Variants in MYO5A observed in about 807,000 individuals in gnomAD.
The protein encoded by MYO5A is myosin VA.
In MYO5A, 98 loss-of-function variants were observed where a neutral mutation model predicts 249.7. The observed-to-expected ratio is 0.39, with a 90% confidence interval of 0.33 to 0.46. The LOEUF is 0.46. Among genes scored for constraint, MYO5A ranks in the 20% least tolerant of loss-of-function variants. The pLI is 0.98. For synonymous variants in MYO5A, 778 were observed against 810.6 expected (o/e 0.96, Z 0.68); for missense variants, 1,696 against 2,308.8 (o/e 0.73, Z 5.44).
chr15:52,433,144 C>A, intron 2 of MYO5A, 31 bp downstream of exon 2: 1 of 1,449,878 alleles, frequency 6.9e-7, no homozygotes, highest in Non-Finnish European at 9.7e-7. Context: ...TCACTTTATG[C>A]CAATGACAAC....
chr15:52,523,540 G>C (rs769161613), intron 1 of MYO5A, among the ~76,000 whole-genome samples: 15 of 152,186 alleles, frequency 9.9e-5, no homozygotes, highest in Non-Finnish European at 1.8e-4. Flanking sequence ...AGTATCGTGG[G>C]AGTGGTAAAC....
intron 29 of MYO5A, among the ~76,000 whole-genome samples, chr15:52,347,979 G>A (rs2039727593): frequency 6.6e-6 from 1 of 152,182 alleles, no homozygotes; most frequent in African/African-American, 2.4e-5. Flanking sequence ...TGCTATCTGT[G>A]TGCTCTGGTA....
intron 23 of MYO5A, among the ~76,000 whole-genome samples, chr15:52,365,221 A>G (rs2040749902): frequency 6.6e-6 from 1 of 152,026 alleles, no homozygotes; most frequent in Non-Finnish European, 1.5e-5. Flanking sequence ...TACGACTTTA[A>G]CCTCCCCTGC....
At chr15:52,358,529 A>AT (rs2040361161) in intron 25 of MYO5A, among the ~76,000 whole-genome samples, 1 of 152,096 alleles carries the variant, frequency 6.6e-6, no homozygotes, top group Admixed American at 6.6e-5. Context: ...TGACCTTGTG[A>AT]TTTTCTTTGA....
rs569356194 is a variant in MYO5A, at chr15:52,411,543, A to G, written c.613-1067T>C. 9.6e-4 allele frequency among the ~76,000 whole-genome samples: 147 copies of G among 152,332 alleles called. 2 individuals carry two copies. In the Middle Eastern group the frequency reaches 0.01, roughly 11 times the overall value. On this transcript the variant is annotated intron_variant, in intron 5 of 41. Coordinates refer to ENST00000399233, the MANE Select transcript of MYO5A (RefSeq NM_001382347.1). ...AAATTTTTTTAAGGCAAAGCAAAAA[A>G]AAAAAAGATGTAGTTAGAAAACCAA...
At chr15:52,453,455 A>AG (rs2076059618) in intron 1 of MYO5A, among the ~76,000 whole-genome samples, 1 of 152,212 alleles carries the variant, frequency 6.6e-6, no homozygotes, top group African/African-American at 2.4e-5. Context: ...ATGTGGAAGA[A>AG]GAAAAAAAAA....
At chr15:52,379,081 T>C (rs983026450) in intron 18 of MYO5A, among the ~76,000 whole-genome samples, 20 of 152,350 alleles carry the variant, frequency 1.3e-4, no homozygotes, top group African/African-American at 3.6e-4. Flanking sequence ...CTCCCTCTTA[T>C]AATAGTCTCC....
rs569010771 is a variant in MYO5A at position 52,372,305 on chromosome 15, C to T, written c.2636G>A (p.Arg879His). The change falls in exon 21 of 42, where the codon CGC (arginine) becomes CAC (histidine). Residue 879 changes from arginine (R) to histidine (H), a missense_variant. Transcript: ENST00000399233. Reference sequence around the variant, plus strand: ...ATGCATGCTCCTCTTGTAGTGTGTGCGGGCCAGCCAGCCCCGGACTCGCTT... The same window carrying T: ...ATGCATGCTCCTCTTGTAGTGTGTGTGGGCCAGCCAGCCCCGGACTCGCTT... The part of the protein sequence containing the change: ...IQKRVRGWLA[R>H]THYKRSMHAI... 33 of 1,608,614 alleles carry T rather than the reference C, an allele frequency of 2.1e-5. No individual in the cohort carries two copies. In the South Asian group the frequency reaches 2.3e-4, roughly 11 times the overall value.
intron 33 of MYO5A, 55 bp from the exon 34 acceptor site, chr15:52,336,611 G>T (rs2039130663): frequency 7.9e-7 from 1 of 1,259,036 alleles, no homozygotes; most frequent in African/African-American, 1.5e-5. Flanking sequence ...CTTCTAAAAT[G>T]CATCAAAGGA....
At chr15:52,479,001 C>CT (rs879377956) in intron 1 of MYO5A, among the ~76,000 whole-genome samples, 38 of 146,694 alleles carry the variant, frequency 2.6e-4, no homozygotes, top group Middle Eastern at 3.5e-3. Context: ...TAAATTTTAA[C>CT]TTTTTTTTTT....
In MYO5A at chr15:52,375,422, A is replaced by G. The variant is rs1339604702; in HGVS notation, c.2459T>C (p.Ile820Thr). Residue 820 changes from isoleucine to threonine, a missense_variant, in exon 20 of 42, where the codon ATC becomes ACC. Around this residue, in one of 5 missense-constraint regions of MYO5A, gnomAD observed 412 missense variants for 453.3 expected, o/e 0.91. Coordinates refer to ENST00000399233, the MANE Select transcript of MYO5A (RefSeq NM_001382347.1). ...ATACATGCGCCAGTACTTTTGAATG[A>G]TGGTTGCTGCCTTGGTTCTGCGCAG... is the stretch of plus-strand genomic sequence containing the variant. ...KFLRRTKAAT[I>T]IQKYWRMYVV... is the part of the protein sequence containing the mutation. 6.2e-7 allele frequency: 1 copy of G among 1,614,178 alleles called. No homozygotes were observed. Among genetic ancestry groups the G allele is most frequent in the African/African-American group, 1.3e-5 (1 of 75,040 alleles).
At chr15:52,513,431 TAAAAAAAAAA>T in intron 1 of MYO5A, among the ~76,000 whole-genome samples, 1 of 119,056 alleles carries the variant, frequency 8.4e-6, no homozygotes, top group Non-Finnish European at 1.8e-5. Flanking sequence ...AACTCCATCT[TAAAAAAAAAA>T]AAGGCATAGT....
At position 52,308,532 on chromosome 15, in the gene MYO5A, T is replaced by G. The variant is rs907461208; in HGVS notation, c.*5164A>C. Reference sequence around the variant, plus strand: ...AAGAATCTAACTTATCTCCATAATTTCTTTCATATATTCATTTGCTTACTT... The same window carrying G: ...AAGAATCTAACTTATCTCCATAATTGCTTTCATATATTCATTTGCTTACTT... On this transcript the variant is annotated 3_prime_UTR_variant, in exon 42 of 42. Coordinates refer to ENST00000399233, the MANE Select transcript of MYO5A (RefSeq NM_001382347.1). 2.6e-5 allele frequency: 4 copies of G among 152,230 alleles called. No individual in the cohort carries two copies. Among genetic ancestry groups the G allele is most frequent in the Admixed American group, 1.3e-4 (2 of 15,292 alleles). 9.4% of individuals were successfully genotyped at this position (152,230 alleles called of 1,614,324 possible).
chr15:52,487,090 A>G (rs2076836978), intron 1 of MYO5A, among the ~76,000 whole-genome samples: 1 of 152,196 alleles, frequency 6.6e-6, no homozygotes, highest in Admixed American at 6.5e-5. Context: ...ACACAAAATT[A>G]TTTCCTGGGG....
intron 34 of MYO5A, among the ~76,000 whole-genome samples, chr15:52,333,489 AC>A (rs768044759): frequency 2.7e-4 from 41 of 152,238 alleles, no homozygotes; most frequent in Non-Finnish European, 4.7e-4. Context: ...CTGCCATCTC[AC>A]CTGCTGCAAC....
intron 18 of MYO5A, among the ~76,000 whole-genome samples, chr15:52,378,390 G>A (rs2041538632): frequency 6.6e-6 from 1 of 151,434 alleles, no homozygotes; most frequent in Admixed American, 6.6e-5. Context: ...GTGTGGTGGT[G>A]TGCACCTATA....
Position 52,336,406 on chromosome 15 carries a change from T to C in MYO5A, c.4408+57A>G, listed in dbSNP as rs1158927171. On this transcript the variant is annotated intron_variant, in intron 34 of 41. Coordinates refer to ENST00000399233, the MANE Select transcript of MYO5A (RefSeq NM_001382347.1). Reference sequence around the variant, plus strand: ...TTAGGCCACTTATATAGCCTAGTCTTTAAGCCAAGACTCAAACCAAGACTC... The same window carrying C: ...TTAGGCCACTTATATAGCCTAGTCTCTAAGCCAAGACTCAAACCAAGACTC... 3 of 1,212,608 alleles carry C rather than the reference T, an allele frequency of 2.5e-6. No homozygotes were observed. In the Admixed American group the frequency reaches 5.8e-5, roughly 24 times the overall value. The allele number at this position is 1,212,608 out of a possible 1,614,324, so 75.1% of individuals were successfully genotyped here. A position where few individuals can be genotyped will look rare whatever the true frequency, so the allele number is the denominator to read the frequency against.
At chr15:52,407,238 T>C in intron 8 of MYO5A, 54 bp downstream of exon 8, 1 of 1,250,206 alleles carries the variant, frequency 8.0e-7, no homozygotes, top group Non-Finnish European at 1.2e-6. Context: ...AAACAAAGGT[T>C]GCTTGAGTAA....
intron 1 of MYO5A, among the ~76,000 whole-genome samples, chr15:52,518,173 A>G (rs2077533585): frequency 6.6e-6 from 1 of 151,766 alleles, no homozygotes; most frequent in African/African-American, 2.4e-5. Context: ...GGTTGTCACA[A>G]CTAGGGATGG....
Sources: allele counts gnomAD v4.1 joint callset (sites outside exome capture counted in the v4.1 genomes callset), GRCh38; gene constraint gnomAD v4.1.1; regional missense constraint gnomAD v4.1.1; transcripts MANE v1.5; gene names NCBI Gene and HGNC (gene_info 2026-07-23, HGNC 2026-07-21).